Variants in ROCK1 observed in about 807,000 individuals in gnomAD.
The protein encoded by ROCK1 is Rho associated coiled-coil containing protein kinase 1.
In ROCK1, 36 loss-of-function variants were observed where a neutral mutation model predicts 196.8. That is an observed-to-expected ratio of 0.18 (90% CI 0.14 to 0.24). The LOEUF is 0.24. ROCK1 is among the 10% of genes least tolerant of loss of function. ROCK1 has a pLI of 1.00. For missense variants in ROCK1, 920 were observed against 1,562.0 expected (o/e 0.59, Z 6.93); for synonymous variants, 443 against 515.9 (o/e 0.86, Z 1.91).
At chr18:20,960,664 GAAGAC>G (rs2035318581) in intron 27 of ROCK1, 1 of 152,610 alleles carries the variant, frequency 6.6e-6, no homozygotes, top group African/African-American at 2.4e-5. Flanking sequence ...ATTACTCACA[GAAGAC>G]AAGAATAGAA....
chr18:21,092,195 T>C (rs1471105660), intron 1 of ROCK1, among the ~76,000 whole-genome samples: 1 of 152,146 alleles, frequency 6.6e-6, no homozygotes, highest in Non-Finnish European at 1.5e-5. Context: ...GAACAAGGTA[T>C]TGGAGAGTTA....
chr18:21,061,662 T>C (rs1403270425), intron 2 of ROCK1, among the ~76,000 whole-genome samples: 1 of 152,166 alleles, frequency 6.6e-6, no homozygotes, highest in African/African-American at 2.4e-5. Flanking sequence ...TTCTAACAAA[T>C]GAATCTAAAT....
chr18:21,016,200 C>T (rs1213825975), intron 12 of ROCK1, among the ~76,000 whole-genome samples: 1 of 152,066 alleles, frequency 6.6e-6, no homozygotes, highest in African/African-American at 2.4e-5. Context: ...AAATTAACAA[C>T]TACTGCTAAT....
chr18:21,002,739 C>A (rs1318875054), intron 16 of ROCK1, among the ~76,000 whole-genome samples: 1 of 151,888 alleles, frequency 6.6e-6, no homozygotes, highest in Non-Finnish European at 1.5e-5. Flanking sequence ...TTTTTTCATT[C>A]GTTTGTTTGT....
At chr18:21,018,324 G>A (rs2035882230) in intron 12 of ROCK1, among the ~76,000 whole-genome samples, 1 of 151,994 alleles carries the variant, frequency 6.6e-6, no homozygotes. Context: ...GAGGTCAGGA[G>A]CTCGAGACCA....
chr18:21,070,382 G>A, intron 2 of ROCK1, 150 bp downstream of exon 2: 1 of 509,462 alleles, frequency 2.0e-6, no homozygotes, highest in Non-Finnish European at 3.5e-6. Flanking sequence ...CATCCAAATT[G>A]TTTCTTTCAC....
intron 9 of ROCK1, among the ~76,000 whole-genome samples, chr18:21,031,343 G>T (rs1323195279): frequency 3.3e-5 from 5 of 152,234 alleles, no homozygotes; most frequent in African/African-American, 1.2e-4. Flanking sequence ...GGTGGCTCAC[G>T]CCTGTAATCC....
intron 29 of ROCK1, among the ~76,000 whole-genome samples, chr18:20,958,535 T>C (rs1257639658): frequency 8.2e-4 from 124 of 151,980 alleles, no homozygotes; most frequent in African/African-American, 2.8e-3. Context: ...TAAGAAAAAA[T>C]ACTATATTAT....
At chr18:20,990,693 C>CAA (rs1170099682) in intron 18 of ROCK1, among the ~76,000 whole-genome samples, 230 of 22,562 alleles carry the variant, frequency 0.01, 6 homozygotes, top group Non-Finnish European at 0.014. Flanking sequence ...AACTTCGTCT[C>CAA]AAAAAAAAAA....
At chr18:21,073,685 C>T (rs185376189) in intron 1 of ROCK1, among the ~76,000 whole-genome samples, 98 of 152,192 alleles carry the variant, frequency 6.4e-4, no homozygotes, top group African/African-American at 2.3e-3. Context: ...GAAACACCAC[C>T]CCACCCTCAA....
chr18:21,080,645 G>A (rs2036475351), intron 1 of ROCK1, among the ~76,000 whole-genome samples: 1 of 152,090 alleles, frequency 6.6e-6, no homozygotes, highest in South Asian at 2.1e-4. Flanking sequence ...AAAAGTGAAA[G>A]ATGGGAAAAA....
chr18:21,088,342 A>G (rs2036543683), intron 1 of ROCK1, among the ~76,000 whole-genome samples: 1 of 152,112 alleles, frequency 6.6e-6, no homozygotes. Context: ...AAAAAAATTT[A>G]AAAATTAGCG....
chr18:21,110,540 T>C (rs1473495810), intron 1 of ROCK1, among the ~76,000 whole-genome samples: 1 of 152,214 alleles, frequency 6.6e-6, no homozygotes, highest in East Asian at 1.9e-4. Flanking sequence ...TAACTTTTTA[T>C]AGGATGCCTG....
At position 21,006,734 on chromosome 18, in the gene ROCK1, G is replaced by A; in HGVS notation, c.1603C>T (p.Leu535Phe). The change falls in exon 15 of 33, where the codon CTT becomes TTT. Residue 535 changes from leucine to phenylalanine, a missense_variant. Leu to Phe is a conservative substitution (Grantham distance 22, BLOSUM62 0). Coordinates refer to ENST00000399799, the MANE Select transcript of ROCK1 (RefSeq NM_005406.3). ...AACTGGGACAGCTTCTCATTAGCAA[G>A]CTGTGAATTCTGACTGACTTTCTTT... ...DLKKVSQNSQLANEKLSQLQK... is the reference protein window; with the variant it reads ...DLKKVSQNSQFANEKLSQLQK... 1 of 1,605,224 alleles carries A rather than the reference G, an allele frequency of 6.2e-7. No homozygotes were observed. Among genetic ancestry groups the A allele is most frequent in the Non-Finnish European group, 8.5e-7 (1 of 1,177,692 alleles).
chr18:21,016,277 C>T (rs1427658438), intron 12 of ROCK1, among the ~76,000 whole-genome samples: 1 of 152,110 alleles, frequency 6.6e-6, no homozygotes, highest in Non-Finnish European at 1.5e-5. Flanking sequence ...TTAGAGAAAA[C>T]GTTCACCTTT....
chr18:21,010,603 T>C (rs2035808336), intron 13 of ROCK1, among the ~76,000 whole-genome samples: 1 of 152,226 alleles, frequency 6.6e-6, no homozygotes, highest in Non-Finnish European at 1.5e-5. Flanking sequence ...TTTCAGTGCT[T>C]TCAAATGTGT....
At chr18:21,099,503 G>C (rs890538530) in intron 1 of ROCK1, among the ~76,000 whole-genome samples, 2 of 152,188 alleles carry the variant, frequency 1.3e-5, no homozygotes, top group African/African-American at 2.4e-5. Context: ...CAACACTTTG[G>C]GGGGTTGTGG....
At chr18:21,037,375 G>T (rs1161570229) in intron 9 of ROCK1, among the ~76,000 whole-genome samples, 1 of 152,018 alleles carries the variant, frequency 6.6e-6, no homozygotes, top group African/African-American at 2.4e-5. Context: ...ACTATTATTT[G>T]TATTAGAAAG....
chr18:21,065,515 T>C (rs1370813284), intron 2 of ROCK1, among the ~76,000 whole-genome samples: 3 of 152,134 alleles, frequency 2.0e-5, no homozygotes, highest in Non-Finnish European at 1.5e-5. Flanking sequence ...TAATTATGAA[T>C]CTTGTACCCT....
Sources: allele counts gnomAD v4.1 joint callset (sites outside exome capture counted in the v4.1 genomes callset), GRCh38; gene constraint gnomAD v4.1.1; transcripts MANE v1.5; gene names NCBI Gene and HGNC (gene_info 2026-07-23, HGNC 2026-07-21).